Variants in GPC3 observed in about 807,000 individuals in gnomAD.
GPC3 encodes the protein glypican 3, also known as glypican-3.
GPC3 carries 3 observed loss-of-function variants against 34.4 expected under a neutral mutation model. The observed-to-expected ratio is 0.09, with a 90% CI of 0.04 to 0.23. The LOEUF is 0.23. Ranked by LOEUF, GPC3 falls within the 10% of genes least tolerant of loss-of-function variation. The probability of loss-of-function intolerance (pLI) is 1.00; values close to 1 mark genes in which losing one functional copy is unlikely to be tolerated. For synonymous variants in GPC3, 177 were observed against 174.0 expected (o/e 1.02, Z -0.13); for missense variants, 351 against 445.6 (o/e 0.79, Z 1.91).
Position 133,592,567 on chromosome X carries a change from G to T in GPC3, c.1573+3873C>A, listed in dbSNP as rs760564735. Among the ~76,000 whole-genome samples the T allele has an allele frequency of 3.1e-3, 336 of 110,087 alleles. 2 individuals carry two copies. The highest frequency in any genetic ancestry group is 4.7e-3 in the Non-Finnish European group (249 of 52,782). On this transcript the variant is annotated intron_variant, in intron 7 of 7. Transcript: ENST00000370818. ...TTATTCAACATTCTTCTAATAGGTTGCCAGGCTCTGAGTGGTCACTTTATG... is the reference window on the plus strand; with the variant it reads ...TTATTCAACATTCTTCTAATAGGTTTCCAGGCTCTGAGTGGTCACTTTATG...
At chrX:133,802,545 T>C (rs903764939) in intron 2 of GPC3, among the ~76,000 whole-genome samples, 7 of 112,175 alleles carry the variant, frequency 6.2e-5, no homozygotes, top group African/African-American at 2.3e-4. Context: ...ATATATTCTC[T>C]TGTCCATCAC....
chrX:133,948,441 C>CA (rs1236886256), intron 2 of GPC3, among the ~76,000 whole-genome samples: 20 of 110,661 alleles, frequency 1.8e-4, no homozygotes, highest in African/African-American at 6.6e-4. Context: ...CCCTCCCCCC[C>CA]ATTCAGAGAT....
intron 2 of GPC3, among the ~76,000 whole-genome samples, chrX:133,856,047 C>A (rs1387145109): frequency 8.9e-5 from 10 of 111,861 alleles, no homozygotes; most frequent in African/African-American, 3.2e-4. Context: ...ATTTCCATAT[C>A]TTGGCTATTG....
chrX:133,556,693 TG>T (rs1365018679), intron 7 of GPC3, among the ~76,000 whole-genome samples: 3 of 98,698 alleles, frequency 3.0e-5, no homozygotes, highest in Non-Finnish European at 4.0e-5. Context: ...GGGAGAGTAA[TG>T]TTTTTTTTTC....
At chrX:133,843,293 A>T (rs2124553252) in intron 2 of GPC3, among the ~76,000 whole-genome samples, 1 of 111,771 alleles carries the variant, frequency 8.9e-6, no homozygotes, top group South Asian at 3.8e-4. Flanking sequence ...CAGATCCCTC[A>T]TGAATGGTTT....
chrX:133,846,862 C>A (rs746755901), intron 2 of GPC3, among the ~76,000 whole-genome samples: 1 of 111,872 alleles, frequency 8.9e-6, no homozygotes, highest in Non-Finnish European at 1.9e-5. Flanking sequence ...AACTTCATCA[C>A]CTAAACCAGC....
intron 7 of GPC3, among the ~76,000 whole-genome samples, chrX:133,568,988 G>A (rs1473917722): frequency 9.0e-6 from 1 of 110,762 alleles, no homozygotes; most frequent in Non-Finnish European, 1.9e-5. Flanking sequence ...GCAACATGGC[G>A]AAACCCTGTA....
chrX:133,887,998 C>T (rs887658414), intron 2 of GPC3, among the ~76,000 whole-genome samples: 3 of 108,009 alleles, frequency 2.8e-5, no homozygotes, highest in Admixed American at 1.0e-4. Flanking sequence ...CAGGTATACA[C>T]GTGCCCTGGT....
chrX:133,616,504 T>A (rs193022366), intron 6 of GPC3, among the ~76,000 whole-genome samples: 1,723 of 111,083 alleles, frequency 0.016, 30 homozygotes, highest in African/African-American at 0.053. Flanking sequence ...CTTATTTTTT[T>A]AAATGGACAA....
At chrX:133,729,042 C>G (rs1237281031) in intron 3 of GPC3, among the ~76,000 whole-genome samples, 2 of 111,382 alleles carry the variant, frequency 1.8e-5, no homozygotes, top group Non-Finnish European at 3.8e-5. Context: ...GACTTATAAG[C>G]TCCTGTGTCC....
intron 7 of GPC3, among the ~76,000 whole-genome samples, chrX:133,569,379 C>G (rs2069606814): frequency 9.0e-6 from 1 of 111,502 alleles, no homozygotes; most frequent in Non-Finnish European, 1.9e-5. Flanking sequence ...GATTTCAAGA[C>G]CAACTATGGG....
At chrX:133,908,902 T>G (rs1242356917) in intron 2 of GPC3, among the ~76,000 whole-genome samples, 1 of 112,358 alleles carries the variant, frequency 8.9e-6, no homozygotes, top group Admixed American at 9.4e-5. Context: ...CTGTTAACTT[T>G]CGTCTTGTAA....
At chrX:133,701,930 G>A (rs2071171256) in intron 3 of GPC3, among the ~76,000 whole-genome samples, 1 of 112,377 alleles carries the variant, frequency 8.9e-6, no homozygotes, top group Admixed American at 9.4e-5. Context: ...ATTCAGATGA[G>A]CTATACTCAA....
chrX:133,783,718 G>A (rs1422213624), intron 2 of GPC3, among the ~76,000 whole-genome samples: 1 of 111,930 alleles, frequency 8.9e-6, no homozygotes, highest in Non-Finnish European at 1.9e-5. Context: ...CAAATGCAAA[G>A]AGATACTATT....
intron 6 of GPC3, among the ~76,000 whole-genome samples, chrX:133,660,120 AGAG>A (rs1395020103): frequency 8.9e-6 from 1 of 112,044 alleles, no homozygotes; most frequent in African/African-American, 3.2e-5. Context: ...ATCAGGCACC[AGAG>A]GAGTTTATAC....
intron 2 of GPC3, among the ~76,000 whole-genome samples, chrX:133,785,095 A>G (rs1472158895): frequency 8.9e-6 from 1 of 111,962 alleles, no homozygotes; most frequent in Non-Finnish European, 1.9e-5. Flanking sequence ...TTCTTGGAAG[A>G]AACTTCCTTA....
At position 133,798,390 on chromosome X, in the gene GPC3, T is replaced by C. The variant is rs72615419; in HGVS notation, c.338-44214A>G. Among the ~76,000 whole-genome samples the C allele has an allele frequency of 2.2e-3, 247 of 111,434 alleles. 5 individuals carry two copies. In the East Asian group the frequency reaches 0.061, roughly 27 times the overall value. On this transcript the variant is annotated intron_variant, in intron 2 of 7. Transcript: ENST00000370818. ...TCAAAATGTTCCCCTTAATTGATGC[T>C]AGCAAGGAAAGATGGAATGGGGTAC...
chrX:133,764,794 T>A (rs1484900314), intron 2 of GPC3, among the ~76,000 whole-genome samples: 1 of 112,044 alleles, frequency 8.9e-6, no homozygotes, highest in East Asian at 2.8e-4. Flanking sequence ...GGGATCAGTA[T>A]TTTTTGTGCT....
intron 6 of GPC3, among the ~76,000 whole-genome samples, chrX:133,648,144 G>A (rs370404110): frequency 2.8e-4 from 31 of 112,230 alleles, no homozygotes; most frequent in Admixed American, 2.7e-3. Flanking sequence ...GGGACAAAGC[G>A]GTTCTCATCT....
Sources: gnomAD v4.1 joint callset for allele counts (sites outside exome capture counted in the v4.1 genomes callset) on GRCh38, gnomAD v4.1.1 for gene constraint, MANE v1.5 for transcripts, NCBI Gene and HGNC (gene_info 2026-07-23, HGNC 2026-07-21) for gene names.